USP47: variants seen among roughly 807,000 people sequenced by gnomAD.
USP47 encodes ubiquitin carboxyl-terminal hydrolase 47.
Under a neutral mutation model 165.1 loss-of-function variants are expected in USP47, and 35 were observed. The observed-to-expected ratio is 0.21, with a 90% CI of 0.16 to 0.28. USP47 has a LOEUF of 0.28. USP47 is among the 10% of genes least tolerant of loss of function. The pLI is 1.00. For synonymous variants in USP47, 531 were observed against 544.5 expected (o/e 0.98, Z 0.35); for missense variants, 1,277 against 1,607.4 (o/e 0.79, Z 3.52).
intron 8 of USP47, among the ~76,000 whole-genome samples, chr11:11,912,505 C>T (rs1165043272): frequency 6.6e-6 from 1 of 152,016 alleles, no homozygotes; most frequent in Non-Finnish European, 1.5e-5. Context: ...TTTGAATAGT[C>T]CTGTAACTGT....
intron 1 of USP47, among the ~76,000 whole-genome samples, chr11:11,853,586 G>A (rs1268388824): frequency 3.9e-5 from 6 of 152,130 alleles, no homozygotes; most frequent in Admixed American, 1.3e-4. Flanking sequence ...AAATAGATGC[G>A]TCCTCTCTAC....
intron 22 of USP47, 165 bp downstream of exon 22, chr11:11,948,723 C>T: frequency 3.4e-6 from 2 of 579,896 alleles, no homozygotes; most frequent in Non-Finnish European, 3.1e-6. Flanking sequence ...CAGTTACTCA[C>T]TTCTGCTATT....
chr11:11,843,026 T>C (rs1369633034), intron 1 of USP47, among the ~76,000 whole-genome samples: 2 of 152,178 alleles, frequency 1.3e-5, no homozygotes, highest in Non-Finnish European at 2.9e-5. Flanking sequence ...CTCTGTTGGC[T>C]TTATAAATAT....
intron 11 of USP47, among the ~76,000 whole-genome samples, chr11:11,923,326 C>A (rs577615681): frequency 8.6e-5 from 13 of 151,882 alleles, no homozygotes; most frequent in Middle Eastern, 3.4e-3. Flanking sequence ...AAAAGTCTGG[C>A]CATGAAACAC....
At chr11:11,873,636 A>G (rs1049514080) in intron 1 of USP47, among the ~76,000 whole-genome samples, 4 of 152,124 alleles carry the variant, frequency 2.6e-5, no homozygotes, top group Admixed American at 1.3e-4. Flanking sequence ...GATTTTTAGT[A>G]ACTTTGCACA....
intron 8 of USP47, among the ~76,000 whole-genome samples, chr11:11,914,614 GCTGT>G (rs1029034690): frequency 2.0e-5 from 3 of 151,596 alleles, no homozygotes; most frequent in Non-Finnish European, 4.4e-5. Flanking sequence ...ATATTTGCAA[GCTGT>G]CTATCTGACA....
At position 11,905,456 on chromosome 11, in the gene USP47, G is replaced by C; in HGVS notation, c.877G>C (p.Glu293Gln). 6.2e-7 allele frequency: 1 copy of C among 1,609,594 alleles called. No homozygotes were observed. Among genetic ancestry groups the C allele is most frequent in the South Asian group, 1.1e-5 (1 of 90,662 alleles). Residue 293 changes from glutamate (E) to glutamine (Q), a missense_variant, in exon 8 of 28, where the codon GAA becomes CAA. Coordinates refer to ENST00000527733, the MANE Select transcript of USP47 (RefSeq NM_001282659.2). ...GCTGAAGGACTACGTGAGATGTCTG[G>C]AATGTGGTTATGAGGGCTGGCGAAT... ...GKLKDYVRCLECGYEGWRIDT... is the reference protein window; with the variant it reads ...GKLKDYVRCLQCGYEGWRIDT...
chr11:11,871,501 C>CAAAAAAAAAAAA (rs71037046), intron 1 of USP47, among the ~76,000 whole-genome samples: 13 of 63,156 alleles, frequency 2.1e-4, no homozygotes, highest in Middle Eastern at 0.012. Flanking sequence ...AACTCCCTCT[C>CAAAAAAAAAAAA]AAAAAAAAAA....
intron 10 of USP47, among the ~76,000 whole-genome samples, chr11:11,921,574 G>C (rs1307022030): frequency 6.6e-6 from 1 of 151,870 alleles, no homozygotes. Context: ...TAATGTCTCA[G>C]ACAGTTGCGC....
At chr11:11,952,715 G>T in intron 24 of USP47, 26 bp from the exon 25 acceptor site, 1 of 1,559,844 alleles carries the variant, frequency 6.4e-7, no homozygotes. Flanking sequence ...GAAATAGAAT[G>T]ATGACCTAAT....
chr11:11,848,777 T>A (rs925559459), intron 1 of USP47, among the ~76,000 whole-genome samples: 1 of 151,898 alleles, frequency 6.6e-6, no homozygotes, highest in African/African-American at 2.4e-5. Context: ...ACCTGGCTAA[T>A]TTTTTGTATT....
At chr11:11,943,144 A>G (rs144830954) in intron 20 of USP47, 32 bp downstream of exon 20, 2 of 1,563,262 alleles carry the variant, frequency 1.3e-6, no homozygotes, top group East Asian at 4.5e-5. Context: ...CGGTCCTTGA[A>G]ACAGCATCAG....
chr11:11,903,187 A>G lies in USP47; in HGVS notation c.740-76A>G, dbSNP rs142990270. On this transcript the variant is annotated intron_variant, in intron 6 of 27. Transcript: ENST00000527733. Reference sequence around the variant, plus strand: ...AAGGTAGACTTCAATATTTCTGTCTATTTGCTTTTAAACAACAGATTGTTT... The same window carrying G: ...AAGGTAGACTTCAATATTTCTGTCTGTTTGCTTTTAAACAACAGATTGTTT... 8,759 of 1,404,492 alleles carry G rather than the reference A, an allele frequency of 6.2e-3. 47 individuals carry two copies. The highest frequency in any genetic ancestry group is 7.7e-3 in the Non-Finnish European group (7,894 of 1,021,860). 87.0% of individuals were successfully genotyped at this position (1,404,492 alleles called of 1,614,324 possible). A position where few individuals can be genotyped will look rare whatever the true frequency, so the allele number is the denominator to read the frequency against.
chr11:11,884,688 T>C, intron 3 of USP47, 108 bp downstream of exon 3: 2 of 724,526 alleles, frequency 2.8e-6, no homozygotes, highest in Non-Finnish European at 4.5e-6. Flanking sequence ...ATTTGTGTAA[T>C]AAATTAATAT....
chr11:11,897,811 A>G (rs1851938740), intron 5 of USP47, 118 bp downstream of exon 5: 5 of 645,324 alleles, frequency 7.7e-6, no homozygotes, highest in Non-Finnish European at 1.1e-5. Flanking sequence ...ACACCATAAG[A>G]TATAACTTCT....
At chr11:11,898,361 T>C (rs754204251) in intron 5 of USP47, among the ~76,000 whole-genome samples, 3 of 152,068 alleles carry the variant, frequency 2.0e-5, no homozygotes, top group Non-Finnish European at 4.4e-5. Context: ...GTAAACTGAT[T>C]TTTTTTTCCT....
At chr11:11,853,164 C>T (rs1230434947) in intron 1 of USP47, among the ~76,000 whole-genome samples, 3 of 151,332 alleles carry the variant, frequency 2.0e-5, no homozygotes, top group Non-Finnish European at 4.4e-5. Flanking sequence ...TGGTGATAGC[C>T]CAAGTTAGAA....
At chr11:11,873,936 T>G (rs1850232211) in intron 1 of USP47, 1 of 807,422 alleles carries the variant, frequency 1.2e-6, no homozygotes, top group African/African-American at 1.8e-5. Flanking sequence ...TTATTTAATA[T>G]CAAGGCATGT....
intron 1 of USP47, among the ~76,000 whole-genome samples, chr11:11,874,399 A>C (rs1450282783): frequency 2.0e-5 from 3 of 152,128 alleles, no homozygotes; most frequent in Non-Finnish European, 4.4e-5. Flanking sequence ...ACTTAGAAAA[A>C]GATCATGTAG....
Sources: allele counts gnomAD v4.1 joint callset (sites outside exome capture counted in the v4.1 genomes callset), GRCh38; gene constraint gnomAD v4.1.1; transcripts MANE v1.5; gene names NCBI Gene and HGNC (gene_info 2026-07-23, HGNC 2026-07-21).